ANKAR: variants seen among roughly 807,000 people sequenced by gnomAD.
The protein encoded by ANKAR is ankyrin and armadillo repeat containing, also known as ankyrin and armadillo repeat-containing protein.
Under a neutral mutation model 146.2 loss-of-function variants are expected in ANKAR, and 136 were observed. The ratio of observed to expected loss-of-function variants is 0.93; its 90% CI spans 0.81 to 1.07. The LOEUF (loss-of-function observed/expected upper bound fraction) is 1.07. ANKAR is among the 50% of genes least tolerant of loss of function. The pLI is 0.00. For synonymous variants in ANKAR, 500 were observed against 575.8 expected (o/e 0.87, Z 1.88); for missense variants, 1,567 against 1,679.9 (o/e 0.93, Z 1.18).
chr2:189,693,437 A>G (rs1574421959), intron 5 of ANKAR, among the ~76,000 whole-genome samples: 2 of 152,186 alleles, frequency 1.3e-5, no homozygotes, highest in African/African-American at 4.8e-5. Flanking sequence ...AAATAGGGGT[A>G]GAGATGGGGA....
chr2:189,743,236 A>C, intron 20 of ANKAR, 39 bp from the exon 21 acceptor site: 1 of 1,585,378 alleles, frequency 6.3e-7, no homozygotes, highest in Non-Finnish European at 8.6e-7. Context: ...TTTTAAGAAC[A>C]AAGCCCACTG....
At chr2:189,755,013 G>T in intron 18 of ANKAR, 1 of 763,034 alleles carries the variant, frequency 1.3e-6, no homozygotes, top group Non-Finnish European at 2.0e-6. Flanking sequence ...ATAAAATTGT[G>T]TACTACTCTT....
In ANKAR at chr2:189,696,200, T is replaced by G; in HGVS notation, c.1539T>G (p.Val513=). The G allele has an allele frequency of 6.2e-7, 1 of 1,614,096 alleles. No individual in the cohort carries two copies. Among genetic ancestry groups the G allele is most frequent in the Non-Finnish European group, 8.5e-7 (1 of 1,180,012 alleles). ...KSAVERGLSA[V]FHTFSRKTSS... ...CTGTTGAAAGAGGGTTGTCTGCAGT[T>G]TTCCACACATTTAGCCGTAAAACCT... is the stretch of plus-strand genomic sequence containing the variant. The change falls in exon 7 of 23, where the codon GTT becomes GTG. Residue 513 remains valine (V), a synonymous_variant. Transcript: ENST00000684021.
Position 189,675,375 on chromosome 2 carries a change from CT to C in ANKAR, c.-36+555del, listed in dbSNP as rs374131861. On this transcript the variant is annotated intron_variant, in intron 1 of 22. Coordinates refer to ENST00000684021, the MANE Select transcript of ANKAR (RefSeq NM_001378068.1). The stretch of plus-strand genomic sequence containing the variant: ...CAAATGCTTCTTTCCTTTTCTTTTT[CT>C]TTTTTTTTTCTTTTTTTGAAACAGT... Among the ~76,000 whole-genome samples the C allele has an allele frequency of 1.0e-3, 150 of 149,264 alleles. 1 individual carries two copies. The highest frequency in any genetic ancestry group is 1.2e-3 in the Admixed American group (18 of 14,960).
At chr2:189,707,209 T>C (rs887235512) in intron 9 of ANKAR, 63 bp downstream of exon 9, 18 of 845,740 alleles carry the variant, frequency 2.1e-5, no homozygotes, top group South Asian at 4.0e-5. Flanking sequence ...ATTGATACTC[T>C]GAAAGAGAGA....
Position 189,743,306 on chromosome 2 carries a change from A to G in ANKAR, c.3842A>G (p.Tyr1281Cys), listed in dbSNP as rs2043633941. The G allele has an allele frequency of 6.2e-7, 1 of 1,614,066 alleles. No individual in the cohort carries two copies. Among genetic ancestry groups the G allele is most frequent in the Non-Finnish European group, 8.5e-7 (1 of 1,179,970 alleles). The change falls in exon 21 of 23, where the codon TAC becomes TGC. Residue 1281 changes from tyrosine (Y) to cysteine (C), a missense_variant. Transcript: ENST00000684021. ...GCAGCTTGTTCCTCTGCTCTTGGCT[A>G]CTTAACATACAATGCAAATGCTTTC... Reference protein sequence around the residue: ...VRAACSSALGYLTYNANAFRI... With the variant: ...VRAACSSALGCLTYNANAFRI...
intron 15 of ANKAR, among the ~76,000 whole-genome samples, chr2:189,729,089 A>T (rs1216664157): frequency 6.6e-6 from 1 of 152,246 alleles, no homozygotes; most frequent in Admixed American, 6.5e-5. Context: ...ATTTTGACTG[A>T]AAGCAATCTC....
chr2:189,737,211 T>A (rs980538338), intron 17 of ANKAR, among the ~76,000 whole-genome samples: 6 of 152,058 alleles, frequency 3.9e-5, no homozygotes, highest in Admixed American at 2.0e-4. Context: ...AAATAAGATT[T>A]AGTAATAAGA....
chr2:189,734,967 A>C (rs1342904659), intron 17 of ANKAR, among the ~76,000 whole-genome samples: 1 of 151,442 alleles, frequency 6.6e-6, no homozygotes, highest in Non-Finnish European at 1.5e-5. Flanking sequence ...CCATCTCAAA[A>C]AAGAGAATAT....
intron 2 of ANKAR, among the ~76,000 whole-genome samples, chr2:189,679,651 C>T (rs1286153036): frequency 6.6e-6 from 1 of 152,022 alleles, no homozygotes; most frequent in Non-Finnish European, 1.5e-5. Flanking sequence ...ATGGCCATTT[C>T]GTTGAGGGTT....
intron 6 of ANKAR, 72 bp from the exon 7 acceptor site, chr2:189,696,078 T>C: frequency 5.4e-6 from 7 of 1,288,370 alleles, no homozygotes; most frequent in Non-Finnish European, 6.6e-6. Context: ...TTAATACACT[T>C]CATGTATTTT....
intron 20 of ANKAR, among the ~76,000 whole-genome samples, chr2:189,742,325 G>C (rs1282218823): frequency 6.6e-6 from 1 of 152,120 alleles, no homozygotes; most frequent in Admixed American, 6.5e-5. Context: ...CCAACATAAA[G>C]ACCAATATGT....
intron 3 of ANKAR, among the ~76,000 whole-genome samples, chr2:189,690,516 A>G (rs1373957473): frequency 6.6e-6 from 1 of 152,246 alleles, no homozygotes; most frequent in Non-Finnish European, 1.5e-5. Context: ...TGATTAATGG[A>G]ATTTGATGGG....
At chr2:189,697,672 T>C (rs533004766) in intron 7 of ANKAR, among the ~76,000 whole-genome samples, 1 of 152,310 alleles carries the variant, frequency 6.6e-6, no homozygotes, top group Admixed American at 6.5e-5. Context: ...TGTATTACTT[T>C]AAGCCTTTTT....
At chr2:189,698,558 T>C (rs2037587725) in intron 7 of ANKAR, among the ~76,000 whole-genome samples, 1 of 152,224 alleles carries the variant, frequency 6.6e-6, no homozygotes, top group Non-Finnish European at 1.5e-5. Context: ...TTGTCTATAT[T>C]TAAGAGGCTA....
chr2:189,731,561 C>T (rs942367112), intron 16 of ANKAR, among the ~76,000 whole-genome samples: 11 of 151,650 alleles, frequency 7.3e-5, no homozygotes, highest in South Asian at 4.2e-4. Flanking sequence ...TTTGTAGAGA[C>T]GGGGTTTCAC....
rs1449571607 is a variant in ANKAR, at chr2:189,755,095, G to A, written c.*585-6003G>A. 4.8e-6 allele frequency: 7 copies of A among 1,468,554 alleles called. No individual in the cohort carries two copies. In the Admixed American group the frequency reaches 1.2e-4, roughly 25 times the overall value. 91.0% of individuals were successfully genotyped at this position (1,468,554 alleles called of 1,614,324 possible). A position where few individuals can be genotyped will look rare whatever the true frequency, so the allele number is the denominator to read the frequency against. On this transcript the variant is annotated intron_variant and NMD_transcript_variant, in intron 18 of 18. Coordinates refer to the ANKAR transcript ENST00000441800. The stretch of plus-strand genomic sequence containing the variant: ...AAAATTCAGAAATATTTAGGTGAAT[G>A]GTGGTAGCACATCTATTGCTACTTA...
chr2:189,711,193 T>C (rs1317296869), intron 10 of ANKAR, 40 bp downstream of exon 10: 1 of 1,429,418 alleles, frequency 7.0e-7, no homozygotes, highest in Non-Finnish European at 9.7e-7. Context: ...TGCTATTTTA[T>C]GTAGAGCTAT....
chr2:189,744,785 A>G lies in ANKAR; in HGVS notation c.4054A>G (p.Arg1352Gly). The G allele has an allele frequency of 6.3e-7, 1 of 1,584,990 alleles. No homozygotes were observed. The highest frequency in any genetic ancestry group is 8.7e-7 in the Non-Finnish European group (1 of 1,155,884). ...ACCATCCATAATTCCTATCTTTAAA[A>G]GAGGTAATTGATTTTTCTTTTATCT... ...GGPSIIPIFK[R>G]GKEHRRKLKP... Residue 1352 changes from arginine to glycine, a missense_variant, in exon 22 of 23, where the codon AGA becomes GGA. Arg to Gly is a moderately radical substitution (Grantham distance 125). Coordinates refer to ENST00000684021, the MANE Select transcript of ANKAR (RefSeq NM_001378068.1).
Sources: allele counts gnomAD v4.1 joint callset (sites outside exome capture counted in the v4.1 genomes callset), GRCh38; gene constraint gnomAD v4.1.1; transcripts MANE v1.5; gene names NCBI Gene and HGNC (gene_info 2026-07-23, HGNC 2026-07-21).